The following TEX2 variants were observed in gnomAD, a reference collection of about 807,000 sequenced individuals.
The protein encoded by TEX2 is testis expressed 2.
In TEX2, 53 loss-of-function variants were observed where a neutral mutation model predicts 106.9. The ratio of observed to expected loss-of-function variants is 0.50; its 90% CI spans 0.40 to 0.62. The LOEUF (loss-of-function observed/expected upper bound fraction) is 0.62, where lower values mean the gene tolerates loss of function less well. TEX2 is among the 20% of genes least tolerant of loss of function. TEX2 has a pLI of 0.00. For synonymous variants in TEX2, 523 were observed against 534.8 expected, an observed-to-expected ratio of 0.98 and a Z score of 0.30; for missense variants, 1,207 against 1,379.0, an observed-to-expected ratio of 0.88 and a Z score of 1.98.
intron 1 of TEX2, among the ~76,000 whole-genome samples, chr17:64,247,402 A>G (rs573749776): frequency 6.6e-6 from 1 of 152,318 alleles, no homozygotes; most frequent in East Asian, 1.9e-4. Context: ...GGTCAAAACA[A>G]ATGGACTAAG....
intron 7 of TEX2, among the ~76,000 whole-genome samples, chr17:64,166,715 T>G: frequency 6.6e-6 from 1 of 152,214 alleles, no homozygotes; most frequent in East Asian, 1.9e-4. Flanking sequence ...ATGGGTAATA[T>G]TTTCCTTTTT....
chr17:64,242,050 T>C (rs1056541078), intron 1 of TEX2, among the ~76,000 whole-genome samples: 3 of 152,244 alleles, frequency 2.0e-5, no homozygotes, highest in Non-Finnish European at 4.4e-5. Context: ...TGTATCCCAA[T>C]GCTGGCACTG....
In TEX2 at chr17:64,171,129, T is replaced by G; in HGVS notation, c.2642A>C (p.Gln881Pro). 7 of 1,614,088 alleles carry G rather than the reference T, an allele frequency of 4.3e-6. No homozygotes were observed. Among genetic ancestry groups the G allele is most frequent in the Non-Finnish European group, 5.9e-6 (7 of 1,179,960 alleles). Reference sequence around the variant, plus strand: ...GTGATCAACGTAAGGCTTGAAGGCCTGGAGGATTTTTGGCACAGCCACGCC... The same window carrying G: ...GTGATCAACGTAAGGCTTGAAGGCCGGGAGGATTTTTGGCACAGCCACGCC... Reference protein sequence around the residue: ...DMGVAVPKILQAFKPYVDHQG... With the variant: ...DMGVAVPKILPAFKPYVDHQG... The change falls in exon 7 of 12, where the codon CAG becomes CCG. Residue 881 changes from glutamine (Q) to proline (P), a missense_variant. Around this residue, in one of 3 missense-constraint regions of TEX2, gnomAD observed 1,067 missense variants for 1,193.6 expected, o/e 0.89. Coordinates refer to ENST00000584379, the MANE Select transcript of TEX2 (RefSeq NM_001288732.2).
Position 64,213,020 on chromosome 17 carries a change from G to C in TEX2, c.1198C>G (p.Leu400Val), listed in dbSNP as rs2033056623. The C allele has an allele frequency of 6.2e-7, 1 of 1,614,112 alleles. No homozygotes were observed. The change falls in exon 2 of 12, where the codon CTA (leucine) becomes GTA (valine). Residue 400 changes from leucine (L) to valine (V), a missense_variant. By Grantham distance (32) the Leu-to-Val change is conservative (BLOSUM62 1). Around this residue, in one of 3 missense-constraint regions of TEX2, gnomAD observed 1,067 missense variants for 1,193.6 expected, o/e 0.89. Coordinates refer to ENST00000584379, the MANE Select transcript of TEX2 (RefSeq NM_001288732.2). The surrounding 1 kb of genome is among the most constrained non-coding windows in gnomAD (Gnocchi z 4.4). Reference protein sequence around the residue: ...LKDLGLKTSSLVLEKCSLSAL... With the variant: ...LKDLGLKTSSVVLEKCSLSAL... ...GACAAAGAACATTTCTCCAGAACTA[G>C]AGAACTTGTCTTCAGGCCTAAATCC...
At chr17:64,238,051 T>C (rs782793849) in intron 1 of TEX2, among the ~76,000 whole-genome samples, 1 of 152,120 alleles carries the variant, frequency 6.6e-6, no homozygotes, top group African/African-American at 2.4e-5. Context: ...CCTGTAATCC[T>C]GAGACTTTGG....
At chr17:64,210,103 T>A (rs1001110185) in intron 2 of TEX2, among the ~76,000 whole-genome samples, 3 of 152,184 alleles carry the variant, frequency 2.0e-5, no homozygotes, top group African/African-American at 4.8e-5. Flanking sequence ...AGAGTTAATA[T>A]AAGCGCAATT....
intron 1 of TEX2, among the ~76,000 whole-genome samples, chr17:64,248,239 G>A (rs1260702817): frequency 1.3e-5 from 2 of 151,196 alleles, no homozygotes; most frequent in Non-Finnish European, 2.9e-5. Flanking sequence ...AAGAGAGAAA[G>A]ACAGAAAAGA....
At chr17:64,194,124 T>C (rs2032388632) in intron 3 of TEX2, among the ~76,000 whole-genome samples, 1 of 152,232 alleles carries the variant, frequency 6.6e-6, no homozygotes, top group African/African-American at 2.4e-5. Flanking sequence ...GCGAGAGTTA[T>C]AAATATCCGT....
intron 1 of TEX2, among the ~76,000 whole-genome samples, chr17:64,248,692 T>C (rs566304884): frequency 1.3e-5 from 2 of 152,320 alleles, no homozygotes; most frequent in East Asian, 1.9e-4. Flanking sequence ...CCCTTAGCAG[T>C]AGCATCACAC....
chr17:64,165,606 CAGG>C (rs1242556408), intron 7 of TEX2, among the ~76,000 whole-genome samples: 2 of 152,208 alleles, frequency 1.3e-5, no homozygotes, highest in Non-Finnish European at 2.9e-5. Flanking sequence ...GCACGTGTGG[CAGG>C]AGGAGTGGGC....
intron 2 of TEX2, 46 bp downstream of exon 2, chr17:64,212,528 T>C (rs782782971): frequency 6.7e-7 from 1 of 1,491,182 alleles, no homozygotes; most frequent in East Asian, 2.3e-5. Context: ...AATACGGCTG[T>C]ATGTGAGAAG....
At chr17:64,258,056 T>G (rs2034218269) in intron 1 of TEX2, among the ~76,000 whole-genome samples, 1 of 151,890 alleles carries the variant, frequency 6.6e-6, no homozygotes, top group Non-Finnish European at 1.5e-5. Context: ...GAACTACAGG[T>G]GCACACCACC....
Position 64,188,275 on chromosome 17 carries a change from G to A in TEX2, c.2317C>T (p.Leu773Phe). The A allele has an allele frequency of 1.2e-6, 2 of 1,614,068 alleles. No individual in the cohort carries two copies. Among genetic ancestry groups the A allele is most frequent in the Non-Finnish European group, 1.7e-6 (2 of 1,180,042 alleles). ...CCCATGTACACGCTGTAGTCGAGAA[G>A]CATCTTCTGCCGCACGCTGCCTGCC... ...ELAGSVRQKM[L>F]LDYSVYMGRC... Residue 773 changes from leucine to phenylalanine, a missense_variant, in exon 5 of 12, where the codon CTT (leucine) becomes TTT (phenylalanine). By Grantham distance (22) the Leu-to-Phe change is conservative. Transcript: ENST00000584379.
At chr17:64,166,044 G>T (rs532663113) in intron 7 of TEX2, among the ~76,000 whole-genome samples, 4 of 152,282 alleles carry the variant, frequency 2.6e-5, no homozygotes, top group Non-Finnish European at 5.9e-5. Context: ...GTTGTGGTCT[G>T]CATCCTTGGA....
intron 1 of TEX2, among the ~76,000 whole-genome samples, chr17:64,245,245 C>A (rs898559962): frequency 1.3e-5 from 2 of 152,148 alleles, no homozygotes; most frequent in Non-Finnish European, 2.9e-5. Flanking sequence ...ATTTCTAACT[C>A]TATTTGCTAT....
chr17:64,151,113 A>C, intron 10 of TEX2, 152 bp from the exon 11 acceptor site: 2 of 927,176 alleles, frequency 2.2e-6, no homozygotes, highest in Non-Finnish European at 3.2e-6. Context: ...TCCACACACA[A>C]AGTATGAATT....
At chr17:64,209,387 A>G (rs556725914) in intron 2 of TEX2, among the ~76,000 whole-genome samples, 2 of 152,254 alleles carry the variant, frequency 1.3e-5, no homozygotes, top group Non-Finnish European at 2.9e-5. Context: ...ACAACACCGC[A>G]TACCCAACAA....
At chr17:64,171,632 G>A (rs2031404000) in intron 6 of TEX2, among the ~76,000 whole-genome samples, 1 of 152,076 alleles carries the variant, frequency 6.6e-6, no homozygotes, top group Non-Finnish European at 1.5e-5. Flanking sequence ...CCCCACATTT[G>A]CTGAAGTATG....
chr17:64,213,372 T>G lies in TEX2; in HGVS notation c.846A>C (p.Glu282Asp), dbSNP rs782316817. The G allele has an allele frequency of 9.9e-6, 16 of 1,613,868 alleles. No homozygotes were observed. The Admixed American group carries it at 2.5e-4, about 25-fold the overall frequency. The change falls in exon 2 of 12, where the codon GAA (glutamate) becomes GAC (aspartate). Residue 282 changes from glutamate to aspartate, a missense_variant. Physicochemically the swap from Glu to Asp is conservative, Grantham distance 45. Coordinates refer to ENST00000584379, the MANE Select transcript of TEX2 (RefSeq NM_001288732.2). This position sits in a 1 kb window ranked among gnomAD's most constrained non-coding sequence, Gnocchi z 4.4. The part of the protein sequence containing the change: ...SDTRSFFKVP[E>D]MEAKIEDTKR... ...TAGTATCTTCAATTTTAGCCTCCATTTCGGGCACTTTAAAAAAGGAACGAG... is the reference window on the plus strand; with the variant it reads ...TAGTATCTTCAATTTTAGCCTCCATGTCGGGCACTTTAAAAAAGGAACGAG...
Sources: gnomAD v4.1 joint callset for allele counts (sites outside exome capture counted in the v4.1 genomes callset) on GRCh38, gnomAD v4.1.1 for gene constraint, gnomAD v4.1.1 regional missense constraint, Gnocchi (gnomAD v3.1) non-coding constraint, MANE v1.5 for transcripts, NCBI Gene and HGNC (gene_info 2026-07-23, HGNC 2026-07-21) for gene names.